Variants in NLGN1 observed in about 807,000 individuals in gnomAD.
NLGN1 encodes the protein neuroligin 1, also known as neuroligin-1.
Under a neutral mutation model 65.5 loss-of-function variants are expected in NLGN1, and 12 were observed. The observed-to-expected ratio is 0.18, with a 90% CI of 0.12 to 0.30. The LOEUF is 0.30. NLGN1 is among the 10% of genes least tolerant of loss of function. The pLI is 1.00. For synonymous variants in NLGN1, 350 were observed against 359.5 expected, an observed-to-expected ratio of 0.97 and a Z score of 0.30; for missense variants, 750 against 1,007.1, an observed-to-expected ratio of 0.74 and a Z score of 3.46.
At chr3:173,831,837 T>C (rs1722644634) in intron 4 of NLGN1, among the ~76,000 whole-genome samples, 1 of 152,222 alleles carries the variant, frequency 6.6e-6, no homozygotes, top group Admixed American at 6.5e-5. Context: ...ATACATAATC[T>C]GCAGAGAAAT....
chr3:174,032,891 G>T lies in NLGN1; in HGVS notation c.646+225059G>T, dbSNP rs951376959. Among the ~76,000 whole-genome samples, 9 of 152,032 alleles carry T rather than the reference G, an allele frequency of 5.9e-5. No individual in the cohort carries two copies. The South Asian group carries it at 1.7e-3, about 28-fold the overall frequency. On this transcript the variant is annotated intron_variant, in intron 4 of 6. Coordinates refer to ENST00000457714, the Ensembl canonical transcript of NLGN1. ...TTCCCGTTTTCTAACCCCAACAGGG[G>T]TCAGAGATTCAAGGAAATAGATTTG...
intron 3 of NLGN1, among the ~76,000 whole-genome samples, chr3:173,624,092 G>A (rs1434261609): frequency 1.3e-5 from 2 of 152,092 alleles, no homozygotes; most frequent in African/African-American, 4.8e-5. Context: ...TAGAGTTCTT[G>A]ACCCAAGGCT....
intron 2 of NLGN1, among the ~76,000 whole-genome samples, chr3:173,474,961 G>GA (rs1473174421): frequency 2.0e-5 from 3 of 149,924 alleles, no homozygotes; most frequent in African/African-American, 7.4e-5. Flanking sequence ...CTGTCTCAAG[G>GA]AAAAAAAAGA....
chr3:173,825,507 G>A (rs34493645), intron 4 of NLGN1, among the ~76,000 whole-genome samples: 17,528 of 151,738 alleles, frequency 0.12, 1,100 homozygotes, highest in African/African-American at 0.16. Flanking sequence ...AAGGTTTTTC[G>A]TTTTATTCTA....
chr3:174,021,902 G>T (rs1727823939), intron 4 of NLGN1, among the ~76,000 whole-genome samples: 1 of 152,152 alleles, frequency 6.6e-6, no homozygotes, highest in African/African-American at 2.4e-5. Flanking sequence ...TCTCTGTGAA[G>T]GGTCCTTGAA....
intron 3 of NLGN1, among the ~76,000 whole-genome samples, chr3:173,771,559 A>G (rs1779578568): frequency 6.6e-6 from 1 of 152,240 alleles, no homozygotes; most frequent in Non-Finnish European, 1.5e-5. Flanking sequence ...TCAGGAAAAT[A>G]ACTAACACCT....
intron 4 of NLGN1, among the ~76,000 whole-genome samples, chr3:174,249,493 T>C (rs1029984093): frequency 6.6e-6 from 1 of 152,230 alleles, no homozygotes; most frequent in Non-Finnish European, 1.5e-5. Flanking sequence ...TCACATTGCA[T>C]GATAAGTGAA....
chr3:174,219,760 G>T (rs1480547097), intron 4 of NLGN1, among the ~76,000 whole-genome samples: 2 of 152,136 alleles, frequency 1.3e-5, no homozygotes, highest in African/African-American at 2.4e-5. Flanking sequence ...GATGTGAATG[G>T]TTAGAAATCA....
chr3:174,190,229 A>G (rs538846318), intron 4 of NLGN1, among the ~76,000 whole-genome samples: 1 of 152,102 alleles, frequency 6.6e-6, no homozygotes, highest in South Asian at 2.1e-4. Flanking sequence ...TTTGCTCCAT[A>G]TTTTTTTAAA....
chr3:173,566,940 A>G, intron 2 of NLGN1, among the ~76,000 whole-genome samples: 1 of 152,172 alleles, frequency 6.6e-6, no homozygotes, highest in Non-Finnish European at 1.5e-5. Flanking sequence ...AGTTCAGTGT[A>G]TAATGAAGTA....
In NLGN1 at chr3:173,789,286, G is replaced by A. The variant is rs540350163; in HGVS notation, c.494-18394G>A. Among the ~76,000 whole-genome samples the A allele has an allele frequency of 8.5e-5, 13 of 152,218 alleles. No homozygotes were observed. In the South Asian group the frequency reaches 2.3e-3, roughly 27 times the overall value. On this transcript the variant is annotated intron_variant, in intron 3 of 6. Transcript: ENST00000457714. The stretch of plus-strand genomic sequence containing the variant: ...TTTTAATTAAAAAGAAGCGTGAAGT[G>A]TGCATGCACTTTTTTCCTGAAAATA...
intron 2 of NLGN1, among the ~76,000 whole-genome samples, chr3:173,545,299 G>A (rs1376032860): frequency 6.6e-6 from 1 of 151,816 alleles, no homozygotes. Flanking sequence ...GTCTCAAACC[G>A]CTGACCTCAG....
intron 4 of NLGN1, among the ~76,000 whole-genome samples, chr3:173,808,399 T>C (rs1289485058): frequency 6.6e-6 from 1 of 152,162 alleles, no homozygotes; most frequent in Admixed American, 6.6e-5. Context: ...AGTTCAATGA[T>C]GTATACTCTT....
At chr3:174,121,546 G>A (rs954875694) in intron 4 of NLGN1, among the ~76,000 whole-genome samples, 2 of 152,250 alleles carry the variant, frequency 1.3e-5, no homozygotes, top group South Asian at 4.1e-4. Flanking sequence ...AGTAGCCTTA[G>A]AAATTAGTTC....
intron 2 of NLGN1, among the ~76,000 whole-genome samples, chr3:173,567,902 A>G (rs910766963): frequency 6.6e-6 from 1 of 152,122 alleles, no homozygotes; most frequent in African/African-American, 2.4e-5. Flanking sequence ...AAGACTCTGA[A>G]GATAAATTAA....
chr3:174,055,852 A>G (rs1735940624), intron 4 of NLGN1, among the ~76,000 whole-genome samples: 1 of 152,046 alleles, frequency 6.6e-6, no homozygotes, highest in South Asian at 2.1e-4. Flanking sequence ...TAATCTTACA[A>G]GTTTACAACA....
chr3:173,860,219 G>T (rs1403540804), intron 4 of NLGN1, among the ~76,000 whole-genome samples: 3 of 151,396 alleles, frequency 2.0e-5, no homozygotes, highest in African/African-American at 7.3e-5. Flanking sequence ...CAAAAATACT[G>T]TTTTACATGT....
intron 3 of NLGN1, among the ~76,000 whole-genome samples, chr3:173,661,292 G>T (rs1760892974): frequency 6.6e-6 from 1 of 151,980 alleles, no homozygotes; most frequent in African/African-American, 2.4e-5. Context: ...TTACTGCAAT[G>T]TGTCTCAATA....
chr3:173,593,071 C>T (rs1221062496), intron 2 of NLGN1, among the ~76,000 whole-genome samples: 4 of 152,104 alleles, frequency 2.6e-5, no homozygotes, highest in African/African-American at 9.7e-5. Flanking sequence ...CAGATTAATT[C>T]TTCAGGAAGA....
Sources: allele counts gnomAD v4.1 joint callset (sites outside exome capture counted in the v4.1 genomes callset), GRCh38; gene constraint gnomAD v4.1.1; transcripts MANE v1.5; gene names NCBI Gene and HGNC (gene_info 2026-07-23, HGNC 2026-07-21).